Variants in STON2 observed in about 807,000 individuals in gnomAD.
STON2 encodes the protein stonin-2.
STON2 carries 29 observed loss-of-function variants against 65.7 expected under a neutral mutation model. That is an observed-to-expected ratio of 0.44 (90% CI 0.33 to 0.60). The LOEUF (loss-of-function observed/expected upper bound fraction) is 0.60. STON2 is among the 20% of genes least tolerant of loss of function. The pLI, the probability that STON2 is intolerant of heterozygous loss-of-function variation, is 0.03. For missense variants in STON2, 1,054 were observed against 1,118.1 expected (o/e 0.94, Z 0.82); for synonymous variants, 404 against 414.2 (o/e 0.98, Z 0.30).
chr14:81,334,720 A>T (rs1212991776), intron 4 of STON2, among the ~76,000 whole-genome samples: 1 of 152,238 alleles, frequency 6.6e-6, no homozygotes, highest in African/African-American at 2.4e-5. Flanking sequence ...CAAGGCAGAA[A>T]TAGGGCAGAA....
intron 3 of STON2, 45 bp from the exon 4 acceptor site, chr14:81,371,230 T>C (rs1437255972): frequency 1.3e-6 from 2 of 1,561,418 alleles, no homozygotes; most frequent in Non-Finnish European, 1.8e-6. Flanking sequence ...TAAATAGTTG[T>C]ACTTTGTTTA....
At chr14:81,402,108 T>G (rs575585010), upstream of STON2, among the ~76,000 whole-genome samples, 37 of 152,270 alleles carry the variant, frequency 2.4e-4, no homozygotes, top group Middle Eastern at 3.4e-3. Flanking sequence ...TGATTGACCA[T>G]AAAAGCTAAG....
At chr14:81,298,402 A>T (rs1312914142) in intron 5 of STON2, among the ~76,000 whole-genome samples, 1 of 109,032 alleles carries the variant, frequency 9.2e-6, no homozygotes. Context: ...CTAAAGCCTC[A>T]ACTGCTTCAG....
intron 5 of STON2, among the ~76,000 whole-genome samples, chr14:81,311,690 G>A (rs1896433885): frequency 6.6e-6 from 1 of 152,112 alleles, no homozygotes; most frequent in South Asian, 2.1e-4. Flanking sequence ...GAAAAGAAAG[G>A]GATTTGCTTT....
chr14:81,283,530 A>C lies in STON2; in HGVS notation c.743-4791T>G, dbSNP rs1156901462. On this transcript the variant is annotated intron_variant, in intron 5 of 7. Transcript: ENST00000614646. ...TTGTACTGCACTTTACAGATACTGC[A>C]TTTTTTTTTTTTTTTTTTGAGATGG... Among the ~76,000 whole-genome samples the C allele has an allele frequency of 4.7e-4, 60 of 128,886 alleles. 1 individual carries two copies. In the South Asian group the frequency reaches 0.014, roughly 31 times the overall value. The allele number at this position is 128,886 out of a possible 152,430, so 84.6% of individuals were successfully genotyped here.
intron 3 of STON2, among the ~76,000 whole-genome samples, chr14:81,384,742 A>G (rs1899710978): frequency 6.6e-6 from 1 of 152,140 alleles, no homozygotes; most frequent in South Asian, 2.1e-4. Context: ...CTAATACAGT[A>G]TTTTTCTTTC....
intron 1 of STON2, among the ~76,000 whole-genome samples, chr14:81,435,705 G>GCGCGCGCACACA (rs1902392174): frequency 6.7e-6 from 1 of 149,176 alleles, no homozygotes; most frequent in Non-Finnish European, 1.5e-5. Flanking sequence ...ACACGCACAC[G>GCGCGCGCACACA]CGCGCGCACA....
At chr14:81,375,753 G>T (rs1368311346) in intron 3 of STON2, among the ~76,000 whole-genome samples, 1 of 151,552 alleles carries the variant, frequency 6.6e-6, no homozygotes, top group Admixed American at 6.6e-5. Context: ...ATAACACCAA[G>T]AATTTTTATG....
chr14:81,291,858 TACACACACACACAC>T (rs59366676), intron 5 of STON2, among the ~76,000 whole-genome samples: 61 of 137,808 alleles, frequency 4.4e-4, no homozygotes, highest in South Asian at 7.6e-4. Flanking sequence ...TTAGCATGGG[TACACACACACACAC>T]ACACACACAC....
intron 3 of STON2, among the ~76,000 whole-genome samples, chr14:81,374,250 A>G (rs939641703): frequency 5.3e-5 from 8 of 150,994 alleles, no homozygotes; most frequent in African/African-American, 1.5e-4. Context: ...CCTGACCTCA[A>G]GTGATCCATC....
intron 2 of STON2, among the ~76,000 whole-genome samples, chr14:81,415,347 G>A (rs928325859): frequency 6.6e-6 from 1 of 152,120 alleles, no homozygotes. Context: ...CAAGGTCAGA[G>A]AGTAGTAAAG....
At chr14:81,392,626 A>C (rs1900133775) in intron 3 of STON2, among the ~76,000 whole-genome samples, 1 of 152,220 alleles carries the variant, frequency 6.6e-6, no homozygotes, top group Non-Finnish European at 1.5e-5. Flanking sequence ...TTTTTGCATT[A>C]TGTGATTTTA....
Position 81,418,758 on chromosome 14 carries a change from C to G in STON2, c.-199+8344G>C, listed in dbSNP as rs544239518. Among the ~76,000 whole-genome samples, 4 of 152,256 alleles carry G rather than the reference C, an allele frequency of 2.6e-5. No individual in the cohort carries two copies. In the East Asian group the frequency reaches 5.8e-4, roughly 22 times the overall value. On this transcript the variant is annotated intron_variant, in intron 2 of 8. Coordinates refer to the STON2 transcript ENST00000553821. ...TAAAACCTCTCTGCTTTTGTTTCCA[C>G]AAATTTATTAATTTGGGATTGATAT...
chr14:81,284,406 G>A (rs1420510042), intron 5 of STON2, among the ~76,000 whole-genome samples: 1 of 152,222 alleles, frequency 6.6e-6, no homozygotes, highest in East Asian at 1.9e-4. Context: ...TAAGAAAGTA[G>A]TGACAACATT....
rs1894397435 is a variant in STON2, at chr14:81,267,354, C to CCA, written c.*1059_*1060insTG. 1.0e-6 allele frequency: 1 copy of CCA among 985,260 alleles called. No homozygotes were observed. The allele number at this position is 985,260 out of a possible 1,614,324, so 61.0% of individuals were successfully genotyped here. A position where few individuals can be genotyped will look rare whatever the true frequency, so the allele number is the denominator to read the frequency against. On this transcript the variant is annotated 3_prime_UTR_variant, in exon 8 of 8. Coordinates refer to ENST00000614646, the MANE Select transcript of STON2 (RefSeq NM_001394390.1). ...CAATCCAATCCAATACTGTGATTATCAAACTCTGAATTTTGGGGGAAAGCT... is the reference window on the plus strand; with the variant it reads ...CAATCCAATCCAATACTGTGATTATCCAAAACTCTGAATTTTGGGGGAAAGCT...
chr14:81,357,474 T>C (rs1428789129), intron 4 of STON2, among the ~76,000 whole-genome samples: 2 of 151,050 alleles, frequency 1.3e-5, no homozygotes, highest in African/African-American at 4.9e-5. Context: ...AGTTCAACCA[T>C]TGTGGAAGTC....
intron 4 of STON2, among the ~76,000 whole-genome samples, chr14:81,359,732 C>T (rs1284231973): frequency 1.3e-5 from 2 of 152,080 alleles, no homozygotes; most frequent in East Asian, 1.9e-4. Context: ...AAGAATATTA[C>T]GATTACATGC....
chr14:81,410,277 CCAAAAAAAAAAAA>C (rs1901086228), intron 2 of STON2, among the ~76,000 whole-genome samples: 1 of 38,944 alleles, frequency 2.6e-5, no homozygotes, highest in Non-Finnish European at 5.2e-5. Context: ...GTAACTCTAA[CCAAAAAAAAAAAA>C]AAAAAAAAAA....
chr14:81,417,251 C>T (rs954211319), intron 2 of STON2, among the ~76,000 whole-genome samples: 5 of 152,156 alleles, frequency 3.3e-5, no homozygotes, highest in African/African-American at 1.2e-4. Flanking sequence ...TCTTATCTGA[C>T]GCTGCCCCTA....
Sources: gnomAD v4.1 joint callset for allele counts (sites outside exome capture counted in the v4.1 genomes callset) on GRCh38, gnomAD v4.1.1 for gene constraint, MANE v1.5 for transcripts, NCBI Gene and HGNC (gene_info 2026-07-23, HGNC 2026-07-21) for gene names.